The following KCNT2 variants were observed in gnomAD, a reference collection of about 807,000 sequenced individuals.
KCNT2 encodes potassium sodium-activated channel subfamily T member 2, also known as potassium channel subfamily T member 2.
In KCNT2, 67 loss-of-function variants were observed where a neutral mutation model predicts 153.8. The observed-to-expected ratio is 0.44, with a 90% confidence interval of 0.36 to 0.53. KCNT2 has a LOEUF of 0.53. Among genes scored for constraint, KCNT2 ranks in the 20% least tolerant of loss-of-function variants. KCNT2 has a pLI of 0.00. For synonymous variants in KCNT2, 500 were observed against 458.8 expected, an observed-to-expected ratio of 1.09 and a Z score of -1.15; for missense variants, 975 against 1,354.8, an observed-to-expected ratio of 0.72 and a Z score of 4.40.
intron 20 of KCNT2, 80 bp downstream of exon 20, chr1:196,319,401 CTCA>C: frequency 1.3e-6 from 1 of 754,650 alleles, no homozygotes; most frequent in Non-Finnish European, 2.2e-6. Flanking sequence ...GCAAATTACA[CTCA>C]TCATGCAGTA....
intron 1 of KCNT2, among the ~76,000 whole-genome samples, chr1:196,503,811 C>T (rs980517978): frequency 2.0e-5 from 3 of 152,060 alleles, no homozygotes; most frequent in Non-Finnish European, 2.9e-5. Flanking sequence ...CAAAAACATA[C>T]GATTTTAAAT....
chr1:196,455,712 G>T (rs1271676923), intron 8 of KCNT2, among the ~76,000 whole-genome samples: 1 of 151,636 alleles, frequency 6.6e-6, no homozygotes, highest in Admixed American at 6.6e-5. Context: ...TTTTATTATT[G>T]GCCCTCTTAG....
intron 16 of KCNT2, among the ~76,000 whole-genome samples, chr1:196,334,688 G>A (rs764635838): frequency 6.4e-4 from 98 of 151,944 alleles, no homozygotes; most frequent in Non-Finnish European, 1.2e-3. Context: ...TATTTATTGA[G>A]TGCCACATAT....
intron 26 of KCNT2, among the ~76,000 whole-genome samples, chr1:196,242,952 C>A (rs548822594): frequency 1.3e-5 from 2 of 152,218 alleles, no homozygotes; most frequent in South Asian, 4.1e-4. Flanking sequence ...ATTAACTAAT[C>A]CCAAGTGCAC....
chr1:196,435,014 T>A (rs1160691834), intron 8 of KCNT2, among the ~76,000 whole-genome samples: 2 of 151,066 alleles, frequency 1.3e-5, no homozygotes, highest in East Asian at 3.9e-4. Flanking sequence ...CAGGTAAGAC[T>A]GGAAGAAAAT....
chr1:196,581,131 T>C (rs1250323920), intron 1 of KCNT2, among the ~76,000 whole-genome samples: 1 of 152,124 alleles, frequency 6.6e-6, no homozygotes, highest in Non-Finnish European at 1.5e-5. Context: ...TGTGATATAG[T>C]CATTCTTTTA....
At chr1:196,305,769 A>C (rs1250554963) in intron 21 of KCNT2, among the ~76,000 whole-genome samples, 4 of 152,152 alleles carry the variant, frequency 2.6e-5, no homozygotes, top group Non-Finnish European at 5.9e-5. Context: ...TTCATGTCCT[A>C]TGGCTCCTTA....
intron 1 of KCNT2, among the ~76,000 whole-genome samples, chr1:196,571,305 G>A (rs182759053): frequency 6.6e-6 from 1 of 152,152 alleles, no homozygotes; most frequent in East Asian, 1.9e-4. Context: ...CATGAGACAA[G>A]AACTGAAAAA....
At chr1:196,471,100 G>A (rs1428808901) in intron 5 of KCNT2, among the ~76,000 whole-genome samples, 1 of 151,402 alleles carries the variant, frequency 6.6e-6, no homozygotes, top group South Asian at 2.1e-4. Context: ...CTAAAGACGG[G>A]GTTTCACCGT....
At chr1:196,437,393 C>A (rs1427336118) in intron 8 of KCNT2, among the ~76,000 whole-genome samples, 4 of 133,374 alleles carry the variant, frequency 3.0e-5, no homozygotes, top group African/African-American at 8.2e-5. Context: ...TATATATACA[C>A]AAATTTTATA....
rs554727581 is a variant in KCNT2 at position 196,330,590 on chromosome 1, G to C, written c.2103+566C>G. On this transcript the variant is annotated intron_variant, in intron 18 of 27. Coordinates refer to ENST00000294725, the MANE Select transcript of KCNT2 (RefSeq NM_198503.5). ...TAAATTCATACCAGTCAAGCCCAAT[G>C]GTTATATTGTGAAAAAAGATAAAAA... 3.0e-3 allele frequency among the ~76,000 whole-genome samples: 462 copies of C among 151,976 alleles called. 1 individual carries two copies. The highest frequency in any genetic ancestry group is 3.8e-3 in the Non-Finnish European group (261 of 67,852).
At chr1:196,365,630 T>C (rs1475571691) in intron 14 of KCNT2, among the ~76,000 whole-genome samples, 1 of 152,208 alleles carries the variant, frequency 6.6e-6, no homozygotes, top group Admixed American at 6.6e-5. Flanking sequence ...TAAATAAAAT[T>C]ATGAACATTT....
intron 1 of KCNT2, among the ~76,000 whole-genome samples, chr1:196,519,519 A>T (rs1054200848): frequency 2.4e-4 from 37 of 152,014 alleles, no homozygotes; most frequent in Admixed American, 8.5e-4. Flanking sequence ...TAATTTTTTT[A>T]AAAAAATAAT....
rs1653522373 is a variant in KCNT2, at chr1:196,226,781, AAGTCCCTTTCT to A, written c.*1432_*1442del. 6.6e-6 allele frequency: 1 copy of A among 152,004 alleles called. No individual in the cohort carries two copies. The highest frequency in any genetic ancestry group is 2.4e-5 in the African/African-American group (1 of 41,442). 9.4% of individuals were successfully genotyped at this position (152,004 alleles called of 1,614,324 possible). A position where few individuals can be genotyped will look rare whatever the true frequency, so the allele number is the denominator to read the frequency against. On this transcript the variant is annotated 3_prime_UTR_variant, in exon 28 of 28. Transcript: ENST00000294725. ...CTTCATTATGAAAAGAAAGGAAAAAAAGTCCCTTTCTAGTTTTATATGTATTTTTTGTTGTT... is the reference window on the plus strand; with the variant it reads ...CTTCATTATGAAAAGAAAGGAAAAAAAGTTTTATATGTATTTTTTGTTGTT...
At chr1:196,563,218 T>C (rs1659650867) in intron 1 of KCNT2, among the ~76,000 whole-genome samples, 1 of 151,922 alleles carries the variant, frequency 6.6e-6, no homozygotes, top group Admixed American at 6.6e-5. Context: ...TTGTTTTGGT[T>C]ATTCTCTTTT....
intron 26 of KCNT2, among the ~76,000 whole-genome samples, chr1:196,253,008 G>A (rs965847225): frequency 2.3e-4 from 34 of 150,572 alleles, no homozygotes; most frequent in Admixed American, 7.3e-4. Context: ...TTGTTTCTTG[G>A]CATTACTTAT....
chr1:196,528,244 G>A lies in KCNT2; in HGVS notation c.96-35903C>T, dbSNP rs111331354. 3.5e-3 allele frequency among the ~76,000 whole-genome samples: 540 copies of A among 152,330 alleles called. 2 individuals carry two copies. The highest frequency in any genetic ancestry group is 0.012 in the African/African-American group (513 of 41,572). On this transcript the variant is annotated intron_variant, in intron 1 of 27. Transcript: ENST00000294725. The stretch of plus-strand genomic sequence containing the variant: ...AGCATTCTCAAGAAAGTTAGAATCA[G>A]ATGTAGAATTATTGTGAACAAATAC...
intron 13 of KCNT2, among the ~76,000 whole-genome samples, chr1:196,374,007 T>C (rs1321924957): frequency 6.6e-6 from 1 of 151,860 alleles, no homozygotes; most frequent in African/African-American, 2.4e-5. Context: ...AGGCCAAGCA[T>C]TGTTATGCAG....
intron 2 of KCNT2, 35 bp from the exon 3 acceptor site, chr1:196,489,972 G>C (rs1416035626): frequency 2.0e-6 from 2 of 980,486 alleles, no homozygotes; most frequent in Admixed American, 5.4e-5. Context: ...ATTTTCATCT[G>C]AACTTAGTTC....
Sources: allele counts gnomAD v4.1 joint callset (sites outside exome capture counted in the v4.1 genomes callset), GRCh38; gene constraint gnomAD v4.1.1; transcripts MANE v1.5; gene names NCBI Gene and HGNC (gene_info 2026-07-23, HGNC 2026-07-21).